KDSR: variants seen among roughly 807,000 people sequenced by gnomAD.
KDSR encodes 3-dehydrosphinganine reductase.
KDSR carries 23 observed loss-of-function variants against 41.3 expected under a neutral mutation model. The observed-to-expected ratio is 0.56, with a 90% CI of 0.40 to 0.79. KDSR has a LOEUF of 0.79. KDSR is among the 30% of genes least tolerant of loss of function. The pLI, the probability that KDSR is intolerant of heterozygous loss-of-function variation, is 0.00. For synonymous variants in KDSR, 138 were observed against 151.7 expected (o/e 0.91, Z 0.66); for missense variants, 351 against 416.8 (o/e 0.84, Z 1.37).
intron 1 of KDSR, among the ~76,000 whole-genome samples, chr18:63,365,794 A>G: frequency 6.6e-6 from 1 of 151,536 alleles, no homozygotes; most frequent in East Asian, 1.9e-4. Flanking sequence ...TAGAGTGTCA[A>G]GTTTTGCCTT....
chr18:63,361,565 C>G (rs986265016), intron 2 of KDSR, among the ~76,000 whole-genome samples: 2 of 152,046 alleles, frequency 1.3e-5, no homozygotes, highest in Non-Finnish European at 2.9e-5. Context: ...ACCTGTAATC[C>G]CAGCACTTTG....
intron 5 of KDSR, among the ~76,000 whole-genome samples, chr18:63,352,309 T>A (rs1485747907): frequency 6.6e-6 from 1 of 152,054 alleles, no homozygotes; most frequent in Non-Finnish European, 1.5e-5. Flanking sequence ...GATTTTTTTA[T>A]TGTTGTTTGT....
At position 63,341,071 on chromosome 18, in the gene KDSR, A is replaced by C. The variant is rs576270377; in HGVS notation, c.694-2188T>G. Among the ~76,000 whole-genome samples the C allele has an allele frequency of 3.3e-5, 5 of 152,220 alleles. No individual in the cohort carries two copies. The South Asian group carries it at 1.0e-3, about 32-fold the overall frequency. Reference sequence around the variant, plus strand: ...CCCTCCTGATCATCCTATAGTAAACAGCTGAGAAGCTAGAGATTTACAATT... The same window carrying C: ...CCCTCCTGATCATCCTATAGTAAACCGCTGAGAAGCTAGAGATTTACAATT... On this transcript the variant is annotated intron_variant, in intron 7 of 9. Transcript: ENST00000645214.
chr18:63,353,130 G>C (rs565999114), intron 5 of KDSR, among the ~76,000 whole-genome samples: 1 of 151,750 alleles, frequency 6.6e-6, no homozygotes, highest in Non-Finnish European at 1.5e-5. Flanking sequence ...GCAGTGACCC[G>C]AGATTGAGCC....
At chr18:63,354,184 A>G (rs1489678986) in intron 5 of KDSR, among the ~76,000 whole-genome samples, 1 of 152,066 alleles carries the variant, frequency 6.6e-6, no homozygotes, top group Non-Finnish European at 1.5e-5. Flanking sequence ...CGAAGACACC[A>G]ACACACTCCC....
At chr18:63,356,954 T>C (rs998190988) in intron 3 of KDSR, among the ~76,000 whole-genome samples, 2 of 151,948 alleles carry the variant, frequency 1.3e-5, no homozygotes, top group African/African-American at 2.4e-5. Context: ...CAGACTGCAA[T>C]TGCAAAAATA....
Position 63,351,099 on chromosome 18 carries a change from C to T in KDSR, c.418-20G>A. The T allele has an allele frequency of 6.3e-7, 1 of 1,587,126 alleles. No individual in the cohort carries two copies. The highest frequency in any genetic ancestry group is 1.1e-5 in the South Asian group (1 of 87,298). ...TAACCTCTGCAGGGAACAAAGAGGC[C>T]ACATGAGGTCAAAAGCCTCAAGGCT... On this transcript the variant is annotated intron_variant, in intron 5 of 9. Coordinates refer to ENST00000645214, the MANE Select transcript of KDSR (RefSeq NM_002035.4).
At chr18:63,342,030 T>G (rs1914353936) in intron 7 of KDSR, among the ~76,000 whole-genome samples, 1 of 151,640 alleles carries the variant, frequency 6.6e-6, no homozygotes, top group South Asian at 2.1e-4. Flanking sequence ...TCAGCCGGGC[T>G]TGGTGGCACG....
chr18:63,331,332 G>GAC lies in KDSR; in HGVS notation c.*449_*450insGT, dbSNP rs1444402227. ...AGACAGAGAGACAGAGAGACAGAGA[G>GAC]AGAGAGAGAGAGAACCCGAGAAACC... On this transcript the variant is annotated 3_prime_UTR_variant, in exon 10 of 10. Transcript: ENST00000645214. 3 of 119,852 alleles carry GAC rather than the reference G, an allele frequency of 2.5e-5. No homozygotes were observed. The Admixed American group carries it at 3.7e-4, about 15-fold the overall frequency. 7.4% of individuals were successfully genotyped at this position (119,852 alleles called of 1,614,324 possible). A position where few individuals can be genotyped will look rare whatever the true frequency, so the allele number is the denominator to read the frequency against.
intron 1 of KDSR, among the ~76,000 whole-genome samples, chr18:63,364,978 T>C (rs1462531492): frequency 6.6e-6 from 1 of 152,266 alleles, no homozygotes; most frequent in African/African-American, 2.4e-5. Context: ...TCTGACTCCA[T>C]GTTAGGATTT....
At chr18:63,344,646 A>C in intron 6 of KDSR, 153 bp from the exon 7 acceptor site, 2 of 530,910 alleles carry the variant, frequency 3.8e-6, no homozygotes, top group East Asian at 3.1e-5. Flanking sequence ...GCATTGAGAA[A>C]CCCCTCTCCA....
chr18:63,366,711 T>C (rs1272249311), intron 1 of KDSR: 2 of 318,158 alleles, frequency 6.3e-6, no homozygotes, highest in East Asian at 4.8e-5. Flanking sequence ...GGATGTTGCA[T>C]GGATTCACGA....
intron 5 of KDSR, among the ~76,000 whole-genome samples, chr18:63,354,266 G>T (rs1914737755): frequency 6.6e-6 from 1 of 152,204 alleles, no homozygotes. Context: ...AGTGAGCCGA[G>T]ATCGTGCCAC....
At position 63,335,373 on chromosome 18, in the gene KDSR, A is replaced by T. The variant is rs773593231; in HGVS notation, c.778-15T>A. ...AAATTTCCTTGCTAAAAGAGAAGAA[A>T]AAGAAGAGAAAGAGGGAATCCTAGT... On this transcript the variant is annotated splice_polypyrimidine_tract_variant and intron_variant, in intron 8 of 9. Coordinates refer to ENST00000645214, the MANE Select transcript of KDSR (RefSeq NM_002035.4). The T allele has an allele frequency of 2.6e-6, 4 of 1,547,488 alleles. No homozygotes were observed. In the South Asian group the frequency reaches 4.5e-5, roughly 17 times the overall value.
rs933711391 is a variant in KDSR, at chr18:63,344,446, T to G, written c.657A>C (p.Thr219=). The G allele has an allele frequency of 8.1e-6, 13 of 1,613,966 alleles. No individual in the cohort carries two copies. In the Admixed American group the frequency reaches 1.2e-4, roughly 14 times the overall value. The change falls in exon 7 of 10, where the codon ACA becomes ACC. Residue 219 remains threonine (T), a synonymous_variant. Coordinates refer to ENST00000645214, the MANE Select transcript of KDSR (RefSeq NM_002035.4). ...TTTCTTCGGCAAAGCCAGGTGTGTC[T>G]GTGTCTGGTGGGTAAGCAACTGTGA... ...VYITVAYPPD[T]DTPGFAEENR...
At chr18:63,350,801 A>G (rs1419003856) in intron 6 of KDSR, 87 bp downstream of exon 6, 5 of 966,094 alleles carry the variant, frequency 5.2e-6, no homozygotes, top group Admixed American at 2.6e-5. Flanking sequence ...TTAATACAAC[A>G]ACACATGTAA....
intron 9 of KDSR, among the ~76,000 whole-genome samples, chr18:63,334,395 G>A (rs1914096128): frequency 6.8e-6 from 1 of 146,950 alleles, no homozygotes; most frequent in Admixed American, 7.0e-5. Flanking sequence ...TTGTAGCCTA[G>A]GCTGGAGTGC....
At chr18:63,337,363 G>A (rs1599323211) in intron 8 of KDSR, among the ~76,000 whole-genome samples, 2 of 151,968 alleles carry the variant, frequency 1.3e-5, no homozygotes, top group South Asian at 4.1e-4. Context: ...TGATCCGCCC[G>A]CCTTGGCCTC....
At chr18:63,332,473 G>C (rs1914033228) in intron 9 of KDSR, among the ~76,000 whole-genome samples, 1 of 152,106 alleles carries the variant, frequency 6.6e-6, no homozygotes, top group South Asian at 2.1e-4. Context: ...CAAACTCAAA[G>C]GATTCTCCTG....
Sources: gnomAD v4.1 joint callset for allele counts (sites outside exome capture counted in the v4.1 genomes callset) on GRCh38, gnomAD v4.1.1 for gene constraint, MANE v1.5 for transcripts, NCBI Gene and HGNC (gene_info 2026-07-23, HGNC 2026-07-21) for gene names.